The following GABRG3 variants were observed in gnomAD, a reference collection of about 807,000 sequenced individuals.
GABRG3 encodes gamma-aminobutyric acid type A receptor subunit gamma3.
GABRG3 carries 25 observed loss-of-function variants against 48.8 expected under a neutral mutation model. The observed-to-expected ratio is 0.51, with a 90% CI of 0.37 to 0.72. GABRG3 has a LOEUF of 0.72. Among genes scored for constraint, GABRG3 ranks in the 30% least tolerant of loss-of-function variants. GABRG3 has a pLI of 0.00. For synonymous variants in GABRG3, 227 were observed against 217.6 expected (o/e 1.04, Z -0.38); for missense variants, 394 against 577.9 (o/e 0.68, Z 3.26).
chr15:27,525,374 T>A (rs80145213), intron 7 of GABRG3, among the ~76,000 whole-genome samples: 1,749 of 152,302 alleles, frequency 0.011, 47 homozygotes, highest in African/African-American at 0.04. Flanking sequence ...TCAGCTGAGA[T>A]AACCTTCCTG....
chr15:26,985,894 G>A lies in GABRG3; in HGVS notation c.202+8744G>A, dbSNP rs190862753. ...AGGAGACACAATGTTTTAATCCAAA[G>A]GAGTAAAGTACAAATGCCACAGTGT... On this transcript the variant is annotated intron_variant, in intron 2 of 9. Transcript: ENST00000615808. Among the ~76,000 whole-genome samples the A allele has an allele frequency of 2.0e-5, 3 of 152,296 alleles. No individual in the cohort carries two copies. In the East Asian group the frequency reaches 5.8e-4, roughly 29 times the overall value.
At chr15:27,109,309 A>G (rs566711715) in intron 3 of GABRG3, among the ~76,000 whole-genome samples, 37 of 152,300 alleles carry the variant, frequency 2.4e-4, no homozygotes, top group South Asian at 1.5e-3. Context: ...TTGATTTGGT[A>G]CAACTGATAA....
At chr15:27,283,854 A>G (rs1051246425) in intron 3 of GABRG3, among the ~76,000 whole-genome samples, 4 of 152,194 alleles carry the variant, frequency 2.6e-5, no homozygotes, top group African/African-American at 9.7e-5. Flanking sequence ...TTCACAAATT[A>G]TGAGTGTAAT....
chr15:27,310,782 AAGTC>A (rs1217973397), intron 3 of GABRG3, among the ~76,000 whole-genome samples: 1 of 152,138 alleles, frequency 6.6e-6, no homozygotes, highest in Non-Finnish European at 1.5e-5. Context: ...GGTACAATAA[AAGTC>A]AGTGAAACTG....
At chr15:27,404,001 C>G (rs1246263033) in intron 5 of GABRG3, among the ~76,000 whole-genome samples, 1 of 150,640 alleles carries the variant, frequency 6.6e-6, no homozygotes, top group Non-Finnish European at 1.5e-5. Context: ...GCGGGTGGAT[C>G]ACGAGGTCAG....
chr15:27,183,346 G>A lies in GABRG3; in HGVS notation c.271-143463G>A, dbSNP rs148181621. ...GCTTTGCAGCTTATGTTTAGCTCCT[G>A]GCCATGAGCTGATGGCAGCGAAAAG... On this transcript the variant is annotated intron_variant, in intron 3 of 9. Transcript: ENST00000615808. Among the ~76,000 whole-genome samples, 21 of 152,258 alleles carry A rather than the reference G, an allele frequency of 1.4e-4. No individual in the cohort carries two copies. In the East Asian group the frequency reaches 4.1e-3, roughly 29 times the overall value.
intron 3 of GABRG3, chr15:27,271,572 G>C (rs1207579676): frequency 2.2e-6 from 1 of 451,212 alleles, no homozygotes; most frequent in East Asian, 7.0e-5. Flanking sequence ...AGAAGAGGAT[G>C]GCTGCTGGGT....
chr15:27,071,561 G>T (rs1194183786), intron 3 of GABRG3, among the ~76,000 whole-genome samples: 2 of 152,232 alleles, frequency 1.3e-5, no homozygotes, highest in Admixed American at 1.3e-4. Context: ...AGATGTGATT[G>T]CTTTTCCTGA....
At chr15:27,241,482 T>C (rs1471289381) in intron 3 of GABRG3, among the ~76,000 whole-genome samples, 4 of 152,168 alleles carry the variant, frequency 2.6e-5, no homozygotes, top group East Asian at 3.9e-4. Flanking sequence ...CTAGGAAGTA[T>C]GCTATTTGTG....
intron 5 of GABRG3, among the ~76,000 whole-genome samples, chr15:27,390,305 C>G (rs548060439): frequency 6.6e-6 from 1 of 152,134 alleles, no homozygotes; most frequent in Non-Finnish European, 1.5e-5. Flanking sequence ...ACCAGAAATA[C>G]GTGGTAAACT....
chr15:26,982,274 G>C (rs1895069882), intron 2 of GABRG3, among the ~76,000 whole-genome samples: 1 of 152,154 alleles, frequency 6.6e-6, no homozygotes, highest in African/African-American at 2.4e-5. Context: ...AGATACCCAA[G>C]ACTGGTTCCT....
chr15:26,997,202 T>C (rs1413349198), intron 2 of GABRG3, among the ~76,000 whole-genome samples: 1 of 152,212 alleles, frequency 6.6e-6, no homozygotes, highest in Non-Finnish European at 1.5e-5. Flanking sequence ...AATGATATTA[T>C]CTGTTTCATA....
Position 27,393,022 on chromosome 15 carries a change from C to T in GABRG3, c.574+64134C>T, listed in dbSNP as rs148688338. Among the ~76,000 whole-genome samples the T allele has an allele frequency of 3.1e-3, 478 of 152,182 alleles. 1 individual carries two copies. Among genetic ancestry groups the T allele is most frequent in the African/African-American group, 0.011 (445 of 41,496 alleles). ...TAGAACTAGCCATTTCTAAGAGCCC[C>T]GGTTCATTTCAGTAGAGAACGGTAT... On this transcript the variant is annotated intron_variant, in intron 5 of 9. Coordinates refer to ENST00000615808, the MANE Select transcript of GABRG3 (RefSeq NM_033223.5).
At chr15:27,343,041 G>GATAGTTT (rs1894243288) in intron 5 of GABRG3, among the ~76,000 whole-genome samples, 3 of 152,152 alleles carry the variant, frequency 2.0e-5, no homozygotes, top group Non-Finnish European at 2.9e-5. Context: ...CTATCTCCAA[G>GATAGTTT]ACCCTACCTG....
At chr15:27,102,032 A>G (rs1897369858) in intron 3 of GABRG3, among the ~76,000 whole-genome samples, 1 of 152,080 alleles carries the variant, frequency 6.6e-6, no homozygotes, top group Admixed American at 6.5e-5. Flanking sequence ...ATGAAATATA[A>G]AAGATGTACC....
At chr15:27,377,312 G>C (rs955205699) in intron 5 of GABRG3, among the ~76,000 whole-genome samples, 3 of 152,090 alleles carry the variant, frequency 2.0e-5, no homozygotes, top group African/African-American at 7.2e-5. Context: ...TACAACCTCT[G>C]CCTGTCACCA....
intron 5 of GABRG3, among the ~76,000 whole-genome samples, chr15:27,456,489 C>T (rs762577824): frequency 1.3e-5 from 2 of 152,190 alleles, no homozygotes; most frequent in African/African-American, 2.4e-5. Flanking sequence ...CGGGAAGGAC[C>T]CGCAGAGGGA....
At chr15:27,216,411 A>G (rs1419015010) in intron 3 of GABRG3, among the ~76,000 whole-genome samples, 2 of 152,234 alleles carry the variant, frequency 1.3e-5, no homozygotes, top group Non-Finnish European at 2.9e-5. Context: ...TTCACTCTGC[A>G]GAGCTGCTGG....
At chr15:27,495,554 A>T (rs1281773915) in intron 6 of GABRG3, among the ~76,000 whole-genome samples, 3 of 152,238 alleles carry the variant, frequency 2.0e-5, no homozygotes, top group Non-Finnish European at 4.4e-5. Context: ...AAGACTCAAG[A>T]CAAGGAAAGT....
Sources: gnomAD v4.1 joint callset for allele counts (sites outside exome capture counted in the v4.1 genomes callset) on GRCh38, gnomAD v4.1.1 for gene constraint, MANE v1.5 for transcripts, NCBI Gene and HGNC (gene_info 2026-07-23, HGNC 2026-07-21) for gene names.